The following TTLL11 variants were observed in gnomAD, a reference collection of about 807,000 sequenced individuals.
The protein encoded by TTLL11 is tubulin polyglutamylase TTLL11.
A neutral mutation model predicts 51.7 loss-of-function variants in TTLL11; 42 were observed. That is an observed-to-expected ratio of 0.81 (90% CI 0.64 to 1.05). TTLL11 has a LOEUF of 1.05. Among genes scored for constraint, TTLL11 ranks in the 50% least tolerant of loss-of-function variants. TTLL11 has a pLI of 0.00. For missense variants in TTLL11, 799 were observed against 940.4 expected (o/e 0.85, Z 1.97); for synonymous variants, 381 against 383.5 (o/e 0.99, Z 0.08).
chr9:121,988,529 C>A (rs1374204519), intron 4 of TTLL11, among the ~76,000 whole-genome samples: 2 of 152,090 alleles, frequency 1.3e-5, no homozygotes, highest in Non-Finnish European at 2.9e-5. Context: ...ACATTTCCAC[C>A]TGGAACCCTT....
At chr9:121,895,553 A>G (rs1261315952) in intron 6 of TTLL11, among the ~76,000 whole-genome samples, 2 of 142,622 alleles carry the variant, frequency 1.4e-5, no homozygotes, top group African/African-American at 5.3e-5. Context: ...CGTTGTACAT[A>G]TGTGTGTGTC....
intron 8 of TTLL11, among the ~76,000 whole-genome samples, chr9:121,856,843 G>A (rs1041258751): frequency 1.3e-5 from 2 of 152,190 alleles, no homozygotes; most frequent in Non-Finnish European, 2.9e-5. Flanking sequence ...ACCATGGAGG[G>A]AAGAAAAGAA....
chr9:122,051,361 C>A (rs1447489118), intron 1 of TTLL11, among the ~76,000 whole-genome samples: 1 of 152,208 alleles, frequency 6.6e-6, no homozygotes, highest in African/African-American at 2.4e-5. Context: ...GTGACAAACA[C>A]TTCAAAGAAG....
intron 6 of TTLL11, among the ~76,000 whole-genome samples, chr9:121,948,401 C>A (rs2131595894): frequency 6.6e-6 from 1 of 152,306 alleles, no homozygotes; most frequent in Middle Eastern, 3.4e-3. Context: ...AAAAATGTTT[C>A]TTACATATGT....
Position 122,010,433 on chromosome 9 carries a change from T to C in TTLL11, c.694-20663A>G, listed in dbSNP as rs149967472. Among the ~76,000 whole-genome samples, 459 of 152,364 alleles carry C rather than the reference T, an allele frequency of 3.0e-3. 6 individuals carry two copies. The highest frequency in any genetic ancestry group is 0.011 in the African/African-American group (444 of 41,586). On this transcript the variant is annotated intron_variant, in intron 3 of 8. Coordinates refer to ENST00000321582, the MANE Select transcript of TTLL11 (RefSeq NM_001139442.2). ...TTGGAGCGTGGTTCAAGTATACCAG[T>C]GCCTGTTTTGTAAAGAAAGTTTTCT...
intron 6 of TTLL11, among the ~76,000 whole-genome samples, chr9:121,944,571 A>C (rs1325862474): frequency 2.6e-5 from 4 of 152,198 alleles, no homozygotes; most frequent in African/African-American, 9.6e-5. Flanking sequence ...TGTTTTGTTT[A>C]ATACATAATA....
In TTLL11 at chr9:121,952,784, G is replaced by A. The variant is rs1301547514; in HGVS notation, c.1481+21225C>T. Among the ~76,000 whole-genome samples the A allele has an allele frequency of 2.6e-5, 4 of 152,272 alleles. No homozygotes were observed. The East Asian group carries it at 7.7e-4, about 29-fold the overall frequency. Reference sequence around the variant, plus strand: ...GGTTCTGGTTCCCACAAACCTGCCTGGGGTTGCAGGGGGAACTGCTGCCTG... The same window carrying A: ...GGTTCTGGTTCCCACAAACCTGCCTAGGGTTGCAGGGGGAACTGCTGCCTG... On this transcript the variant is annotated intron_variant, in intron 6 of 8. Transcript: ENST00000321582.
chr9:121,894,753 G>C (rs779617382), intron 6 of TTLL11, among the ~76,000 whole-genome samples: 2 of 152,122 alleles, frequency 1.3e-5, no homozygotes, highest in Admixed American at 1.3e-4. Flanking sequence ...CTGTCGGGGG[G>C]TGGGGACTAG....
intron 3 of TTLL11, among the ~76,000 whole-genome samples, chr9:122,014,840 A>G (rs535977939): frequency 6.6e-6 from 1 of 152,266 alleles, no homozygotes; most frequent in South Asian, 2.1e-4. Context: ...TGTAGACCCT[A>G]TAAATGTCCA....
intron 7 of TTLL11, among the ~76,000 whole-genome samples, chr9:121,862,573 CA>C (rs1052633889): frequency 1.1e-3 from 165 of 152,288 alleles, no homozygotes; most frequent in African/African-American, 3.9e-3. Flanking sequence ...TGGAGTACAC[CA>C]GTTGGAATAT....
In TTLL11 at chr9:121,816,815, C is replaced by A. The variant is rs1433483494; in HGVS notation, c.*5772G>T. 1.3e-5 allele frequency: 2 copies of A among 152,116 alleles called. No homozygotes were observed. Among genetic ancestry groups the A allele is most frequent in the Non-Finnish European group, 2.9e-5 (2 of 68,020 alleles). The allele number at this position is 152,116 out of a possible 1,614,324, so 9.4% of individuals were successfully genotyped here. On this transcript the variant is annotated 3_prime_UTR_variant, in exon 9 of 9. Transcript: ENST00000321582. ...GAGATAAAGGTAAATGAAGACGTGG[C>A]CTATTCTGCAGAGCTCCTTCATCTC...
At chr9:121,979,874 G>T (rs563186705) in intron 4 of TTLL11, among the ~76,000 whole-genome samples, 16 of 151,754 alleles carry the variant, frequency 1.1e-4, no homozygotes, top group Admixed American at 1.3e-4. Context: ...TACACATCTT[G>T]GGCTCTCATT....
Position 121,822,556 on chromosome 9 carries a change from T to TA in TTLL11, c.*30_*31insT. On this transcript the variant is annotated 3_prime_UTR_variant, in exon 9 of 9. Coordinates refer to ENST00000321582, the MANE Select transcript of TTLL11 (RefSeq NM_001139442.2). This position sits in a 1 kb window ranked among gnomAD's most constrained non-coding sequence, Gnocchi z 5.8. ...GCTCCAGCCCTGAAAGCTGCTCTCG[T>TA]CTTCCGTTTTCCAGGAGGACAGAGT... The TA allele has an allele frequency of 5.6e-6, 8 of 1,425,562 alleles. No homozygotes were observed. Among genetic ancestry groups the TA allele is most frequent in the Non-Finnish European group, 7.4e-6 (8 of 1,086,306 alleles). The allele number at this position is 1,425,562 out of a possible 1,614,324, so 88.3% of individuals were successfully genotyped here. A position where few individuals can be genotyped will look rare whatever the true frequency, so the allele number is the denominator to read the frequency against.
At chr9:121,902,928 G>A (rs189553108) in intron 6 of TTLL11, among the ~76,000 whole-genome samples, 7 of 152,202 alleles carry the variant, frequency 4.6e-5, no homozygotes. Context: ...TCAGATGGGG[G>A]ATATCTGCAG....
At position 121,934,516 on chromosome 9, in the gene TTLL11, G is replaced by T. The variant is rs1841121287; in HGVS notation, c.1481+39493C>A. Among the ~76,000 whole-genome samples, 3 of 152,160 alleles carry T rather than the reference G, an allele frequency of 2.0e-5. No homozygotes were observed. In the South Asian group the frequency reaches 6.2e-4, roughly 31 times the overall value. ...CAGAGATTCCAGTTTTTGCTTAAAC[G>T]TTCAAATTTTATAATTGGTGCAAAT... is the stretch of plus-strand genomic sequence containing the variant. On this transcript the variant is annotated intron_variant, in intron 6 of 8. Coordinates refer to ENST00000321582, the MANE Select transcript of TTLL11 (RefSeq NM_001139442.2).
intron 3 of TTLL11, among the ~76,000 whole-genome samples, chr9:122,008,544 G>T (rs1230587866): frequency 6.6e-6 from 1 of 152,198 alleles, no homozygotes; most frequent in Admixed American, 6.5e-5. Context: ...TGTTAGAACA[G>T]CTATTATCAA....
chr9:122,034,286 T>C (rs1360921412), intron 2 of TTLL11, among the ~76,000 whole-genome samples: 3 of 152,222 alleles, frequency 2.0e-5, no homozygotes, highest in Non-Finnish European at 4.4e-5. Context: ...TGAAAATCTA[T>C]GTCCAGCAAA....
At chr9:121,880,873 G>C (rs980163173) in intron 6 of TTLL11, among the ~76,000 whole-genome samples, 3 of 152,238 alleles carry the variant, frequency 2.0e-5, no homozygotes, top group Non-Finnish European at 4.4e-5. Context: ...TGGCCTAAGC[G>C]AGGAGGCTGG....
chr9:121,881,004 C>T (rs1351760982), intron 6 of TTLL11, among the ~76,000 whole-genome samples: 12 of 152,318 alleles, frequency 7.9e-5, no homozygotes, highest in Non-Finnish European at 8.8e-5. Context: ...CTTGTTCTCT[C>T]ACAGTCCCTG....
Sources: allele counts gnomAD v4.1 joint callset (sites outside exome capture counted in the v4.1 genomes callset), GRCh38; gene constraint gnomAD v4.1.1; non-coding constraint Gnocchi (gnomAD v3.1); transcripts MANE v1.5; gene names NCBI Gene and HGNC (gene_info 2026-07-23, HGNC 2026-07-21).